Variants in CDK11B observed in about 807,000 individuals in gnomAD.
CDK11B encodes the protein cyclin-dependent kinase 11B.
Under a neutral mutation model 84.0 loss-of-function variants are expected in CDK11B, and 37 were observed. The ratio of observed to expected loss-of-function variants is 0.44; its 90% CI spans 0.34 to 0.58. The LOEUF (loss-of-function observed/expected upper bound fraction) is 0.58. CDK11B is among the 20% of genes least tolerant of loss of function. CDK11B has a pLI of 0.02. For synonymous variants in CDK11B, 269 were observed against 309.8 expected, an observed-to-expected ratio of 0.87 and a Z score of 1.38; for missense variants, 427 against 834.0, an observed-to-expected ratio of 0.51 and a Z score of 6.01.
intron 5 of CDK11B, among the ~76,000 whole-genome samples, chr1:1,648,207 C>G (rs1421157558): frequency 6.6e-6 from 1 of 152,250 alleles, no homozygotes; most frequent in Non-Finnish European, 1.5e-5. Flanking sequence ...TGCTCATTCA[C>G]TCTCCTGTCT....
intron 4 of CDK11B, among the ~76,000 whole-genome samples, chr1:1,650,288 A>AAAAAAAAAAAAAAAC (rs1641802407): frequency 6.7e-6 from 1 of 149,512 alleles, no homozygotes; most frequent in African/African-American, 2.5e-5. Flanking sequence ...AAAAAAAGAA[A>AAAAAAAAAAAAAAAC]TTAAATCAAG....
In CDK11B at chr1:1,649,578, C is replaced by T; in HGVS notation, c.415G>A (p.Glu139Lys). The T allele has an allele frequency of 6.2e-7, 1 of 1,607,218 alleles. No individual in the cohort carries two copies. Among genetic ancestry groups the T allele is most frequent in the Non-Finnish European group, 8.5e-7 (1 of 1,173,858 alleles). Reference sequence around the variant, plus strand: ...TCCCGGCGAGCTTTATCCTGTTCTTCTCGATGCCGTTTCCGACGTTCGTGC... The same window carrying T: ...TCCCGGCGAGCTTTATCCTGTTCTTTTCGATGCCGTTTCCGACGTTCGTGC... Reference protein sequence around the residue: ...REHERRKRHREEQDKARREWE... With the variant: ...REHERRKRHRKEQDKARREWE... The change falls in exon 5 of 20, where the codon GAA (glutamate) becomes AAA (lysine). Residue 139 changes from glutamate to lysine, a missense_variant. Around this residue, in one of 12 missense-constraint regions of CDK11B, gnomAD observed 71 missense variants for 66.2 expected, o/e 1.07. Transcript: ENST00000341832.
At chr1:1,654,900 C>T (rs761461014) in intron 3 of CDK11B, among the ~76,000 whole-genome samples, 107 of 146,024 alleles carry the variant, frequency 7.3e-4, no homozygotes, top group Non-Finnish European at 1.0e-3. Flanking sequence ...CCTTGTGATC[C>T]GCCCACCTCG....
intron 1 of CDK11B, among the ~76,000 whole-genome samples, chr1:1,658,180 CAAG>C (rs1479399714): frequency 2.9e-4 from 44 of 149,164 alleles, no homozygotes; most frequent in South Asian, 4.2e-4. Context: ...GAAAAAAAAA[CAAG>C]AATGATAAGT....
chr1:1,654,123 C>T, intron 3 of CDK11B: 1 of 463,908 alleles, frequency 2.2e-6, no homozygotes, highest in Non-Finnish European at 4.3e-6. Flanking sequence ...CCTTAAGCTT[C>T]TCAGGAAAAC....
At chr1:1,658,476 T>C (rs1643091139) in intron 1 of CDK11B, among the ~76,000 whole-genome samples, 1 of 148,392 alleles carries the variant, frequency 6.7e-6, no homozygotes, top group African/African-American at 2.5e-5. Flanking sequence ...CGATCGCGGA[T>C]TAAAGATCAT....
intron 9 of CDK11B, among the ~76,000 whole-genome samples, 154 bp from the exon 10 acceptor site, chr1:1,641,267 G>A (rs1360520772): frequency 1.4e-5 from 2 of 146,984 alleles, no homozygotes; most frequent in Non-Finnish European, 3.1e-5. Context: ...CCAGCGCTTT[G>A]GGAGGCCAAG....
chr1:1,639,504 T>A (rs1267143983), intron 11 of CDK11B, among the ~76,000 whole-genome samples: 1 of 151,898 alleles, frequency 6.6e-6, no homozygotes, highest in African/African-American at 2.4e-5. Flanking sequence ...GGGCCCTACC[T>A]GCCAGGCGCA....
intron 2 of CDK11B, chr1:1,657,124 C>G (rs1642859927): frequency 1.7e-6 from 2 of 1,182,390 alleles, no homozygotes; most frequent in East Asian, 4.9e-5. Context: ...TTGCTAATGA[C>G]TTAACATTCA....
chr1:1,649,915 G>C (rs1641675734), intron 4 of CDK11B, among the ~76,000 whole-genome samples: 2 of 147,794 alleles, frequency 1.4e-5, no homozygotes, highest in South Asian at 2.1e-4. Flanking sequence ...GGCGGAGGTT[G>C]CAGTGAGCCG....
intron 3 of CDK11B, among the ~76,000 whole-genome samples, chr1:1,652,864 T>G (rs1403308100): frequency 6.6e-6 from 1 of 152,132 alleles, no homozygotes; most frequent in Non-Finnish European, 1.5e-5. Flanking sequence ...TAGCTGGGAC[T>G]ACAGGCGCCC....
chr1:1,650,351 C>G (rs1262281272), intron 4 of CDK11B, among the ~76,000 whole-genome samples: 3 of 144,558 alleles, frequency 2.1e-5, no homozygotes, highest in Non-Finnish European at 4.5e-5. Flanking sequence ...GTTAAGTAAT[C>G]CTAATTTTTC....
At chr1:1,654,567 G>C (rs1214795224) in intron 3 of CDK11B, among the ~76,000 whole-genome samples, 3 of 152,192 alleles carry the variant, frequency 2.0e-5, no homozygotes, top group African/African-American at 7.2e-5. Context: ...ACAGGCGTGA[G>C]CTGCCGCGTC....
chr1:1,652,874 C>T (rs1307413318), intron 3 of CDK11B, among the ~76,000 whole-genome samples: 33 of 152,060 alleles, frequency 2.2e-4, no homozygotes, highest in Admixed American at 9.8e-4. Context: ...TACAGGCGCC[C>T]GCCGCCACGC....
At chr1:1,650,378 T>G (rs1475396253) in intron 4 of CDK11B, among the ~76,000 whole-genome samples, 1 of 147,642 alleles carries the variant, frequency 6.8e-6, no homozygotes, top group African/African-American at 2.5e-5. Context: ...TTCTTTTTTT[T>G]TTTTGGAGAT....
intron 14 of CDK11B, 62 bp from the exon 15 acceptor site, chr1:1,637,264 G>T: frequency 1.3e-6 from 2 of 1,596,886 alleles, no homozygotes; most frequent in African/African-American, 2.7e-5. Context: ...ACTCAGGGTG[G>T]CCCACTCGCC....
At chr1:1,650,139 G>A (rs1331221753) in intron 4 of CDK11B, among the ~76,000 whole-genome samples, 451 of 148,260 alleles carry the variant, frequency 3.0e-3, no homozygotes, top group Non-Finnish European at 4.1e-3. Flanking sequence ...GTGTGGTGGC[G>A]GGCACCTGTA....
chr1:1,655,920 A>G (rs982875986), intron 2 of CDK11B, among the ~76,000 whole-genome samples: 1 of 152,136 alleles, frequency 6.6e-6, no homozygotes, highest in Admixed American at 6.6e-5. Context: ...CTTTAATTCA[A>G]ATCTTATCAC....
chr1:1,650,022 C>G (rs1287719774), intron 4 of CDK11B, among the ~76,000 whole-genome samples: 1 of 149,580 alleles, frequency 6.7e-6, no homozygotes, highest in Non-Finnish European at 1.5e-5. Context: ...GCCTGTAATT[C>G]CAGCACTCTG....
Sources: allele counts gnomAD v4.1 joint callset (sites outside exome capture counted in the v4.1 genomes callset), GRCh38; gene constraint gnomAD v4.1.1; regional missense constraint gnomAD v4.1.1; transcripts MANE v1.5; gene names NCBI Gene and HGNC (gene_info 2026-07-23, HGNC 2026-07-21).